CEP85L: variants seen among roughly 807,000 people sequenced by gnomAD.
CEP85L encodes centrosomal protein of 85 kDa-like.
A neutral mutation model predicts 100.3 loss-of-function variants in CEP85L; 60 were observed. The observed-to-expected ratio is 0.60, with a 90% CI of 0.49 to 0.74. The LOEUF (loss-of-function observed/expected upper bound fraction) is 0.74, where lower values mean the gene tolerates loss of function less well. CEP85L is among the 30% of genes least tolerant of loss of function. The pLI is 0.00. For missense variants in CEP85L, 973 were observed against 936.2 expected (o/e 1.04, Z -0.51); for synonymous variants, 319 against 322.7 (o/e 0.99, Z 0.12).
At chr6:118,618,417 C>T (rs1239716242) in intron 2 of CEP85L, among the ~76,000 whole-genome samples, 1 of 152,140 alleles carries the variant, frequency 6.6e-6, no homozygotes, top group African/African-American at 2.4e-5. Flanking sequence ...TCCCCACCAT[C>T]GTGTATGGTC....
upstream of CEP85L, chr6:118,651,663 C>A (rs1775573775): frequency 1.0e-6 from 1 of 975,878 alleles, no homozygotes; most frequent in Non-Finnish European, 1.2e-6. Flanking sequence ...GCAATGACTT[C>A]AGGCGTGCGC....
In CEP85L at chr6:118,465,213, T is replaced by C; in HGVS notation, c.*192A>G. 1 of 476,740 alleles carries C rather than the reference T, an allele frequency of 2.1e-6. No homozygotes were observed. The highest frequency in any genetic ancestry group is 3.7e-6 in the Non-Finnish European group (1 of 273,006). The allele number at this position is 476,740 out of a possible 1,614,324, so 29.5% of individuals were successfully genotyped here. A position where few individuals can be genotyped will look rare whatever the true frequency, so the allele number is the denominator to read the frequency against. ...ATCATATTTTCCAAAGGTAATTTGA[T>C]TTTTTTTCTTTTTGCCTGATTAGAT... is the stretch of plus-strand genomic sequence containing the variant. On this transcript the variant is annotated 3_prime_UTR_variant, in exon 13 of 13. Coordinates refer to ENST00000368491, the MANE Select transcript of CEP85L (RefSeq NM_001042475.3).
intron 1 of CEP85L, among the ~76,000 whole-genome samples, chr6:118,660,579 AAC>A (rs1490097773): frequency 1.3e-5 from 2 of 152,240 alleles, no homozygotes; most frequent in African/African-American, 4.8e-5. Context: ...AACCAAAACA[AAC>A]ACTGTATTTA....
rs1261135285 is a variant in CEP85L at position 118,696,310 on chromosome 6, A to G, written c.-28+13726T>C. 5.3e-5 allele frequency among the ~76,000 whole-genome samples: 8 copies of G among 150,298 alleles called. No individual in the cohort carries two copies. In the East Asian group the frequency reaches 1.3e-3, roughly 25 times the overall value. On this transcript the variant is annotated intron_variant, in intron 1 of 13. Transcript: ENST00000368488. ...AGAAAAAGAAAAAGAAATGTTAGAC[A>G]GGAAAATAAATCCAAATCCAGAATA...
rs1385523009 is a variant in CEP85L, at chr6:118,702,141, C to CT, written c.-28+7894dup. On this transcript the variant is annotated intron_variant, in intron 1 of 13. Transcript: ENST00000368488. ...TTTACTTTATGGTGGAAATTCTATT[C>CT]TTTTTTTTTTTTAATCATTCACTAT... Among the ~76,000 whole-genome samples the CT allele has an allele frequency of 9.5e-4, 139 of 145,562 alleles. 1 individual carries two copies. The highest frequency in any genetic ancestry group is 1.3e-3 in the South Asian group (6 of 4,554).
At chr6:118,666,553 C>A (rs1389066173) in intron 1 of CEP85L, among the ~76,000 whole-genome samples, 1 of 152,178 alleles carries the variant, frequency 6.6e-6, no homozygotes, top group African/African-American at 2.4e-5. Flanking sequence ...ATTCAATCCT[C>A]ACATTAGTTA....
intron 2 of CEP85L, among the ~76,000 whole-genome samples, chr6:118,582,460 T>G (rs1312043138): frequency 1.3e-5 from 2 of 152,218 alleles, no homozygotes; most frequent in East Asian, 3.9e-4. Context: ...ATAAGCAACA[T>G]GCCTCCTGTA....
intron 3 of CEP85L, among the ~76,000 whole-genome samples, chr6:118,543,779 T>A (rs897717223): frequency 5.9e-5 from 9 of 152,164 alleles, no homozygotes; most frequent in Non-Finnish European, 1.0e-4. Flanking sequence ...CTGTAAAGAG[T>A]GGGTTTTTCA....
intron 6 of CEP85L, among the ~76,000 whole-genome samples, chr6:118,488,210 C>A (rs1052565733): frequency 6.6e-5 from 10 of 151,824 alleles, no homozygotes; most frequent in African/African-American, 2.4e-4. Flanking sequence ...CAAAATAAAT[C>A]TCCTGAAACC....
intron 3 of CEP85L, among the ~76,000 whole-genome samples, chr6:118,550,471 C>A (rs192893328): frequency 6.6e-6 from 1 of 151,892 alleles, no homozygotes; most frequent in Admixed American, 6.6e-5. Flanking sequence ...GGCCAATGAA[C>A]ACTTCTTTTT....
At chr6:118,694,832 T>A (rs1777155468) in intron 1 of CEP85L, among the ~76,000 whole-genome samples, 1 of 152,194 alleles carries the variant, frequency 6.6e-6, no homozygotes, top group Admixed American at 6.5e-5. Flanking sequence ...AGCAACAAAT[T>A]CCTTATTTCA....
At chr6:118,497,110 T>C (rs1241172634) in intron 5 of CEP85L, among the ~76,000 whole-genome samples, 4 of 152,080 alleles carry the variant, frequency 2.6e-5, no homozygotes, top group South Asian at 2.1e-4. Context: ...CACTTGTAAA[T>C]TGCCAGGTGA....
chr6:118,501,840 G>T, intron 5 of CEP85L: 1 of 1,292,330 alleles, frequency 7.7e-7, no homozygotes. Flanking sequence ...GAGGACTCTG[G>T]AGATGCCGAA....
At chr6:118,487,579 T>C (rs1261883344) in intron 6 of CEP85L, among the ~76,000 whole-genome samples, 1 of 152,192 alleles carries the variant, frequency 6.6e-6, no homozygotes, top group Non-Finnish European at 1.5e-5. Context: ...GTAGGACACC[T>C]GTAATCCTAC....
Position 118,600,300 on chromosome 6 carries a change from G to GTGTGTGTGTGTGTGT in CEP85L, c.232+32152_232+32153insACACACACACACACA, listed in dbSNP as rs1554228039. Among the ~76,000 whole-genome samples the GTGTGTGTGTGTGTGT allele has an allele frequency of 2.1e-3, 108 of 52,244 alleles. 21 individuals carry two copies. Among genetic ancestry groups the GTGTGTGTGTGTGTGT allele is most frequent in the African/African-American group, 2.5e-3 (36 of 14,646 alleles). 34.3% of individuals were successfully genotyped at this position (52,244 alleles called of 152,430 possible). ...CTGCCTGTCCCTGAGCCTTCCTGGG[G>GTGTGTGTGTGTGTGT]GTGTGTGTGTGTGTGTGTGTGTGTG... On this transcript the variant is annotated intron_variant, in intron 2 of 12. Transcript: ENST00000368491.
At chr6:118,606,928 A>AG (rs1407133385) in intron 2 of CEP85L, among the ~76,000 whole-genome samples, 2 of 151,966 alleles carry the variant, frequency 1.3e-5, no homozygotes, top group East Asian at 3.9e-4. Context: ...ACAGAGAGAG[A>AG]GAGAAGCCTG....
intron 3 of CEP85L, among the ~76,000 whole-genome samples, chr6:118,539,855 T>A (rs1000288001): frequency 6.6e-6 from 1 of 152,196 alleles, no homozygotes; most frequent in Non-Finnish European, 1.5e-5. Flanking sequence ...ACCATTTACA[T>A]ATTACTTTTT....
Position 118,702,052 on chromosome 6 carries a change from A to G in CEP85L, c.-28+7984T>C, listed in dbSNP as rs115757230. Among the ~76,000 whole-genome samples, 1,165 of 152,240 alleles carry G rather than the reference A, an allele frequency of 7.7e-3. 14 individuals are homozygous for G. Among genetic ancestry groups the G allele is most frequent in the Middle Eastern group, 0.048 (14 of 294 alleles). ...GGCTAATGCTCAATCTTGGAAATACATGCATTAATATTTTGCTTTATATTT... is the reference window on the plus strand; with the variant it reads ...GGCTAATGCTCAATCTTGGAAATACGTGCATTAATATTTTGCTTTATATTT... On this transcript the variant is annotated intron_variant, in intron 1 of 13. Transcript: ENST00000368488.
intron 2 of CEP85L, among the ~76,000 whole-genome samples, chr6:118,584,440 T>C (rs1780745316): frequency 2.6e-5 from 4 of 152,162 alleles, no homozygotes; most frequent in Admixed American, 2.6e-4. Context: ...AGGCTGTCCA[T>C]GATATAACCT....
Sources: gnomAD v4.1 joint callset for allele counts (sites outside exome capture counted in the v4.1 genomes callset) on GRCh38, gnomAD v4.1.1 for gene constraint, MANE v1.5 for transcripts, NCBI Gene and HGNC (gene_info 2026-07-23, HGNC 2026-07-21) for gene names.